CUL4B: variants seen among roughly 807,000 people sequenced by gnomAD.
The protein encoded by CUL4B is cullin 4B.
Under a neutral mutation model 69.2 loss-of-function variants are expected in CUL4B, and 1 was observed. The observed-to-expected ratio is 0.01, with a 90% confidence interval of 0.01 to 0.07. CUL4B has a LOEUF of 0.07. CUL4B is among the 10% of genes least tolerant of loss of function. The pLI, the probability that CUL4B is intolerant of heterozygous loss-of-function variation, is 1.00. For synonymous variants in CUL4B, 237 were observed against 223.2 expected, an observed-to-expected ratio of 1.06 and a Z score of -0.55; for missense variants, 328 against 638.8, an observed-to-expected ratio of 0.51 and a Z score of 5.24.
exon 3 of CUL4B, chrX:120,571,337 G>A (rs888462556): frequency 1.8e-5 from 2 of 111,311 alleles, no homozygotes; most frequent in African/African-American, 6.5e-5. Context: ...ACAGGAAGTG[G>A]TGACTTATTG....
downstream of CUL4B, among the ~76,000 whole-genome samples, chrX:120,569,719 A>G (rs1925661869): frequency 9.0e-6 from 1 of 111,641 alleles, no homozygotes; most frequent in Admixed American, 9.5e-5. Flanking sequence ...TACAAGACAG[A>G]GTGACAAAGG....
chrX:120,547,076 AG>A, intron 3 of CUL4B, 59 bp downstream of exon 3: 1 of 758,400 alleles, frequency 1.3e-6, no homozygotes, highest in Admixed American at 2.2e-5. Context: ...TTAAACAGTG[AG>A]GGGTAGGGAC....
At chrX:120,556,491 T>C (rs1924973662) in intron 2 of CUL4B, among the ~76,000 whole-genome samples, 1 of 111,444 alleles carries the variant, frequency 9.0e-6, no homozygotes. Context: ...AGCAACCTTG[T>C]GAGACAGGTA....
chrX:120,548,284 A>T (rs1924458107), intron 2 of CUL4B, among the ~76,000 whole-genome samples: 1 of 111,330 alleles, frequency 9.0e-6, no homozygotes, highest in Non-Finnish European at 1.9e-5. Flanking sequence ...AAAATAAAAA[A>T]GCTGTCTTGT....
chrX:120,561,316 A>C (rs915425992), upstream of CUL4B: 2 of 549,989 alleles, frequency 3.6e-6, no homozygotes, highest in Non-Finnish European at 6.7e-6. Flanking sequence ...CCCACCGGGA[A>C]CTCCCACTCC....
upstream of CUL4B, chrX:120,561,237 C>G (rs952651844): frequency 3.2e-5 from 16 of 493,883 alleles, no homozygotes; most frequent in Non-Finnish European, 5.4e-5. Flanking sequence ...CCCAGACGCT[C>G]GCGCTAGTTC....
intron 2 of CUL4B, among the ~76,000 whole-genome samples, chrX:120,551,214 T>C (rs1175674454): frequency 1.8e-5 from 2 of 111,105 alleles, no homozygotes; most frequent in Non-Finnish European, 1.9e-5. Flanking sequence ...TTTTCTTTTT[T>C]CTTTTTTTTT....
intron 18 of CUL4B, among the ~76,000 whole-genome samples, chrX:120,530,605 A>C (rs1923251722): frequency 8.9e-6 from 1 of 112,103 alleles, no homozygotes; most frequent in African/African-American, 3.2e-5. Context: ...GTTTCAATGG[A>C]TTGTTAACCA....
upstream of CUL4B, among the ~76,000 whole-genome samples, chrX:120,566,369 A>G (rs7879339): frequency 0.061 from 3,439 of 56,422 alleles, 266 homozygotes; most frequent in African/African-American, 0.17. Flanking sequence ...ATATATATAT[A>G]TATATATATA....
chrX:120,557,968 G>C lies in CUL4B; in HGVS notation c.628C>G (p.Gln210Glu). ...QKLKEAVEAIQNSTSIKYNLE... is the reference protein window; with the variant it reads ...QKLKEAVEAIENSTSIKYNLE... ...TTGTACTTAATTGAAGTACTATTCT[G>C]AATAGCTTCCACTGCTTCTTTCAGT... The change falls in exon 2 of 20, where the codon CAG becomes GAG. Residue 210 changes from glutamine to glutamate, a missense_variant. By Grantham distance (29) the Gln-to-Glu change is conservative. This residue lies in a region of CUL4B where 126 missense variants were observed against 202.5 expected (regional missense o/e 0.62). Transcript: ENST00000371322. 1.7e-6 allele frequency: 2 copies of C among 1,207,305 alleles called. No homozygotes were observed. Among genetic ancestry groups the C allele is most frequent in the Non-Finnish European group, 2.2e-6 (2 of 892,388 alleles).
chrX:120,552,557 C>G, intron 2 of CUL4B, among the ~76,000 whole-genome samples: 1 of 111,904 alleles, frequency 8.9e-6, no homozygotes, highest in Non-Finnish European at 1.9e-5. Context: ...TACAGGCATT[C>G]TAGCAAGCTT....
chrX:120,552,738 C>CA (rs1924757940), intron 2 of CUL4B, among the ~76,000 whole-genome samples: 1 of 111,578 alleles, frequency 9.0e-6, no homozygotes, highest in South Asian at 3.6e-4. Context: ...ATTTACTGAA[C>CA]AACAGACAAT....
chrX:120,524,311 T>C lies in CUL4B; in HGVS notation c.*2450A>G, dbSNP rs939121014. On this transcript the variant is annotated 3_prime_UTR_variant, in exon 20 of 20. Transcript: ENST00000371322. ...AACTCAAATCTAGACTCATTTCATATTGACTTTATGAAACAATTTGACACT... is the reference window on the plus strand; with the variant it reads ...AACTCAAATCTAGACTCATTTCATACTGACTTTATGAAACAATTTGACACT... Among the ~76,000 whole-genome samples the C allele has an allele frequency of 5.4e-5, 6 of 111,760 alleles. No individual in the cohort carries two copies. The highest frequency in any genetic ancestry group is 1.9e-4 in the African/African-American group (6 of 30,821).
intron 12 of CUL4B, among the ~76,000 whole-genome samples, chrX:120,538,991 A>G (rs1255292513): frequency 8.9e-6 from 1 of 111,908 alleles, no homozygotes; most frequent in East Asian, 2.8e-4. Context: ...TCTTGATTGC[A>G]TTAACTTTTC....
chrX:120,536,914 C>T lies in CUL4B; in HGVS notation c.2046+13G>A. 9.0e-7 allele frequency: 1 copy of T among 1,106,458 alleles called. No individual in the cohort carries two copies. The highest frequency in any genetic ancestry group is 1.3e-6 in the Non-Finnish European group (1 of 799,735). 91.2% of individuals were successfully genotyped at this position (1,106,458 alleles called of 1,213,427 possible). On this transcript the variant is annotated intron_variant, in intron 15 of 19. Coordinates refer to ENST00000371322, the MANE Select transcript of CUL4B (RefSeq NM_001079872.2). ...TCTATGCCTATAACTCAGTTCTAAA[C>T]AGTAACTCTTACCTCTGGTGGTAAA... is the stretch of plus-strand genomic sequence containing the variant.
intron 2 of CUL4B, among the ~76,000 whole-genome samples, chrX:120,555,751 G>A (rs1001830374): frequency 1.8e-5 from 2 of 109,226 alleles, no homozygotes; most frequent in South Asian, 4.0e-4. Context: ...AGATCAGCCC[G>A]GCCAACATGG....
chrX:120,562,271 C>T (rs1387874368), upstream of CUL4B, among the ~76,000 whole-genome samples: 1 of 112,385 alleles, frequency 8.9e-6, no homozygotes, highest in East Asian at 2.8e-4. Flanking sequence ...TGTTTCATGA[C>T]CCCATGCTTT....
intron 11 of CUL4B, among the ~76,000 whole-genome samples, chrX:120,539,702 C>T (rs748966670): frequency 1.8e-5 from 2 of 111,513 alleles, no homozygotes; most frequent in Non-Finnish European, 1.9e-5. Flanking sequence ...ATCCAAGCCA[C>T]GAAAAGACAT....
At chrX:120,556,870 T>C (rs1441650759) in intron 2 of CUL4B, among the ~76,000 whole-genome samples, 1 of 108,734 alleles carries the variant, frequency 9.2e-6, no homozygotes, top group Non-Finnish European at 1.9e-5. Context: ...AAGGTACTCA[T>C]CAATACAAAA....
Sources: gnomAD v4.1 joint callset for allele counts (sites outside exome capture counted in the v4.1 genomes callset) on GRCh38, gnomAD v4.1.1 for gene constraint, gnomAD v4.1.1 regional missense constraint, MANE v1.5 for transcripts, NCBI Gene and HGNC (gene_info 2026-07-23, HGNC 2026-07-21) for gene names.